Variants in CADPS2 observed in about 807,000 individuals in gnomAD.
The protein encoded by CADPS2 is calcium-dependent secretion activator 2.
CADPS2 carries 93 observed loss-of-function variants against 172.5 expected under a neutral mutation model. The observed-to-expected ratio is 0.54, with a 90% confidence interval of 0.46 to 0.64. CADPS2 has a LOEUF of 0.64. Ranked by LOEUF, CADPS2 falls within the 30% of genes least tolerant of loss-of-function variation. The pLI is 0.00. For missense variants in CADPS2, 1,420 were observed against 1,565.9 expected (o/e 0.91, Z 1.57); for synonymous variants, 546 against 555.2 (o/e 0.98, Z 0.23).
intron 25 of CADPS2, among the ~76,000 whole-genome samples, chr7:122,363,850 T>C (rs181138351): frequency 2.0e-5 from 3 of 152,304 alleles, no homozygotes; most frequent in Non-Finnish European, 4.4e-5. Context: ...TAGAATTACT[T>C]AGTGACAAAG....
intron 1 of CADPS2, among the ~76,000 whole-genome samples, chr7:122,834,956 T>A (rs1214676667): frequency 6.6e-6 from 1 of 151,958 alleles, no homozygotes; most frequent in African/African-American, 2.4e-5. Context: ...CAGCACAGAG[T>A]TTGAGAACTG....
intron 1 of CADPS2, among the ~76,000 whole-genome samples, chr7:122,857,797 G>A (rs1186923229): frequency 1.3e-5 from 2 of 151,992 alleles, no homozygotes; most frequent in Admixed American, 6.6e-5. Context: ...GAATGAAGCC[G>A]CTGACATTCT....
At chr7:122,554,414 T>TA (rs2132001836) in intron 8 of CADPS2, 136 bp downstream of exon 8, 1 of 803,860 alleles carries the variant, frequency 1.2e-6, no homozygotes, top group South Asian at 2.0e-5. Context: ...TTGAGTAAGA[T>TA]AACTTACGTA....
chr7:122,480,050 A>G, intron 12 of CADPS2: 2 of 468,430 alleles, frequency 4.3e-6, no homozygotes, highest in Non-Finnish European at 8.9e-6. Flanking sequence ...GAGAGAACAA[A>G]GTACAGTTTA....
chr7:122,559,770 CAAAAAAAAAAA>C (rs71161306), intron 7 of CADPS2, among the ~76,000 whole-genome samples: 2 of 85,158 alleles, frequency 2.3e-5, no homozygotes, highest in African/African-American at 4.6e-5. Flanking sequence ...GACTCCACCT[CAAAAAAAAAAA>C]AAAAAAAAAA....
chr7:122,717,947 T>C lies in CADPS2; in HGVS notation c.453+19008A>G, dbSNP rs568015016. Among the ~76,000 whole-genome samples the C allele has an allele frequency of 4.3e-3, 642 of 150,076 alleles. 2 individuals are homozygous for C. The highest frequency in any genetic ancestry group is 0.015 in the African/African-American group (600 of 41,066). ...CTTCAGCCTCCCGAGTTGCTGGTACTATATAGGTGCATTCCACCACACTCG... is the reference window on the plus strand; with the variant it reads ...CTTCAGCCTCCCGAGTTGCTGGTACCATATAGGTGCATTCCACCACACTCG... On this transcript the variant is annotated intron_variant, in intron 2 of 29. Transcript: ENST00000449022.
intron 3 of CADPS2, among the ~76,000 whole-genome samples, chr7:122,659,181 C>G (rs2080203013): frequency 1.3e-5 from 2 of 151,424 alleles, no homozygotes; most frequent in South Asian, 4.2e-4. Flanking sequence ...AATTATCAAA[C>G]AAGGAATTTA....
intron 3 of CADPS2, among the ~76,000 whole-genome samples, chr7:122,661,689 C>G (rs1039518161): frequency 2.0e-5 from 3 of 152,146 alleles, no homozygotes; most frequent in Non-Finnish European, 4.4e-5. Flanking sequence ...CTTATCAAGT[C>G]TTATCTTATA....
In CADPS2 at chr7:122,587,557, A is replaced by G. The variant is rs189658345; in HGVS notation, c.1224-6267T>C. Reference sequence around the variant, plus strand: ...TGATTCCCTATCTTTGCTGTTGTGAACAGTGCTGCAATGAACATATGCATG... The same window carrying G: ...TGATTCCCTATCTTTGCTGTTGTGAGCAGTGCTGCAATGAACATATGCATG... On this transcript the variant is annotated intron_variant, in intron 6 of 29. Transcript: ENST00000449022. Among the ~76,000 whole-genome samples the G allele has an allele frequency of 2.8e-4, 43 of 152,256 alleles. 1 individual carries two copies. The East Asian group carries it at 7.9e-3, about 28-fold the overall frequency.
chr7:122,586,153 G>A (rs2069652128), intron 6 of CADPS2, among the ~76,000 whole-genome samples: 1 of 151,904 alleles, frequency 6.6e-6, no homozygotes, highest in Admixed American at 6.6e-5. Context: ...AAAGAGGGAG[G>A]ATACAAAACT....
chr7:122,337,307 T>C (rs774130182), intron 28 of CADPS2, among the ~76,000 whole-genome samples: 1 of 152,214 alleles, frequency 6.6e-6, no homozygotes, highest in East Asian at 1.9e-4. Flanking sequence ...CTACCAGACC[T>C]GCCACATATG....
chr7:122,819,345 C>T lies in CADPS2; in HGVS notation c.339+66654G>A, dbSNP rs185697389. Reference sequence around the variant, plus strand: ...GAGCCCCTGGAACTCTGGCCCAAGGCTCTCTGTCTGACTCCTTCCCAGATC... The same window carrying T: ...GAGCCCCTGGAACTCTGGCCCAAGGTTCTCTGTCTGACTCCTTCCCAGATC... On this transcript the variant is annotated intron_variant, in intron 1 of 29. Transcript: ENST00000449022. Among the ~76,000 whole-genome samples the T allele has an allele frequency of 9.2e-5, 14 of 152,322 alleles. No individual in the cohort carries two copies. The East Asian group carries it at 2.7e-3, about 29-fold the overall frequency.
In CADPS2 at chr7:122,438,378, G is replaced by A. The variant is rs759220738; in HGVS notation, c.2439C>T (p.Ile813=). ...CATATTCTGTGAGTCTAGTGTAATT[G>A]ATCAAGGCAGCTTTCTCGAGACATT... ...VRKCLEKAAL[I]NYTRLTEYAK... Residue 813 remains isoleucine, a synonymous_variant, in exon 17 of 30, where the codon ATC becomes ATT. Transcript: ENST00000449022. 8.7e-6 allele frequency: 14 copies of A among 1,613,156 alleles called. No homozygotes were observed. The South Asian group carries it at 1.4e-4, about 16-fold the overall frequency.
At chr7:122,630,018 T>G (rs2076424747) in intron 3 of CADPS2, among the ~76,000 whole-genome samples, 1 of 152,194 alleles carries the variant, frequency 6.6e-6, no homozygotes, top group African/African-American at 2.4e-5. Flanking sequence ...ATAACTTATT[T>G]TAACTTTACT....
chr7:122,815,157 G>A (rs189624133), intron 1 of CADPS2, among the ~76,000 whole-genome samples: 18 of 152,174 alleles, frequency 1.2e-4, no homozygotes, highest in Middle Eastern at 3.4e-3. Context: ...TAAAGAAAGT[G>A]GTTTGAGCGT....
At chr7:122,425,961 G>A (rs568824017) in intron 17 of CADPS2, 20 of 152,152 alleles carry the variant, frequency 1.3e-4, no homozygotes, top group African/African-American at 4.1e-4. Context: ...CATACTCAAG[G>A]AGAATGTTTG....
At chr7:122,405,113 A>G (rs2151635095) in intron 20 of CADPS2, among the ~76,000 whole-genome samples, 1 of 152,098 alleles carries the variant, frequency 6.6e-6, no homozygotes, top group Admixed American at 6.5e-5. Context: ...AACAAACAAA[A>G]GTCTCAAAAA....
intron 11 of CADPS2, among the ~76,000 whole-genome samples, chr7:122,481,484 T>C (rs1288393191): frequency 6.6e-6 from 1 of 152,182 alleles, no homozygotes; most frequent in Non-Finnish European, 1.5e-5. Flanking sequence ...CTCATGCCTG[T>C]AATCCCAGCA....
chr7:122,633,871 C>T (rs1371378889), intron 3 of CADPS2, among the ~76,000 whole-genome samples: 1 of 152,054 alleles, frequency 6.6e-6, no homozygotes, highest in African/African-American at 2.4e-5. Context: ...TCTTCAATAC[C>T]TAGCCTGTTG....
Sources: allele counts gnomAD v4.1 joint callset (sites outside exome capture counted in the v4.1 genomes callset), GRCh38; gene constraint gnomAD v4.1.1; transcripts MANE v1.5; gene names NCBI Gene and HGNC (gene_info 2026-07-23, HGNC 2026-07-21).